The following MYO5B variants were observed in gnomAD, a reference collection of about 807,000 sequenced individuals.
The protein encoded by MYO5B is myosin VB.
In MYO5B, 143 loss-of-function variants were observed where a neutral mutation model predicts 229.3. The observed-to-expected ratio is 0.62, with a 90% CI of 0.54 to 0.72. The LOEUF (loss-of-function observed/expected upper bound fraction) is 0.72, where lower values mean the gene tolerates loss of function less well. Among genes scored for constraint, MYO5B ranks in the 30% least tolerant of loss-of-function variants. MYO5B has a pLI of 0.00. For missense variants in MYO5B, 2,321 were observed against 2,331.0 expected (o/e 1.00, Z 0.09); for synonymous variants, 918 against 885.2 (o/e 1.04, Z -0.66).
At position 49,906,413 on chromosome 18, in the gene MYO5B, G is replaced by A. The variant is rs1317346757; in HGVS notation, c.2414+6C>T. On this transcript the variant is annotated splice_donor_region_variant and intron_variant, in intron 19 of 39. Coordinates refer to ENST00000285039, the MANE Select transcript of MYO5B (RefSeq NM_001080467.3). ...TGCTGCCCTGAGCTGCCACAGTCTG[G>A]CTCACCTGCGGGCCAGGTGTCCCCG... is the stretch of plus-strand genomic sequence containing the variant. 9 of 1,613,798 alleles carry A rather than the reference G, an allele frequency of 5.6e-6. No homozygotes were observed. Among genetic ancestry groups the A allele is most frequent in the South Asian group, 1.1e-5 (1 of 91,068 alleles).
At chr18:50,143,662 G>A (rs1186929700) in intron 1 of MYO5B, among the ~76,000 whole-genome samples, 1 of 152,166 alleles carries the variant, frequency 6.6e-6, no homozygotes, top group Non-Finnish European at 1.5e-5. Flanking sequence ...AATGACTACA[G>A]GTAGAAGGAA....
At chr18:49,949,569 C>T (rs1192363903) in intron 14 of MYO5B, among the ~76,000 whole-genome samples, 4 of 152,096 alleles carry the variant, frequency 2.6e-5, no homozygotes, top group Non-Finnish European at 4.4e-5. Flanking sequence ...CTTCGAACAT[C>T]CCTTTGGTTG....
chr18:49,910,600 GGCTA>G (rs1201324754), intron 18 of MYO5B, among the ~76,000 whole-genome samples: 2 of 152,000 alleles, frequency 1.3e-5, no homozygotes, highest in Admixed American at 6.5e-5. Flanking sequence ...TGGCAAGGTG[GGCTA>G]GTATTTAGGC....
chr18:50,040,875 G>A (rs964898117), intron 2 of MYO5B, among the ~76,000 whole-genome samples: 2 of 152,184 alleles, frequency 1.3e-5, no homozygotes, highest in African/African-American at 2.4e-5. Context: ...CATAACCAGG[G>A]AGTAGGATTA....
At chr18:50,068,691 AAAG>A (rs1487808151) in intron 1 of MYO5B, among the ~76,000 whole-genome samples, 1 of 152,206 alleles carries the variant, frequency 6.6e-6, no homozygotes, top group African/African-American at 2.4e-5. Context: ...TCTTGGTGTG[AAAG>A]AAGAAGTGTG....
At chr18:50,094,357 G>A (rs1464382956) in intron 1 of MYO5B, among the ~76,000 whole-genome samples, 2 of 152,146 alleles carry the variant, frequency 1.3e-5, no homozygotes, top group African/African-American at 4.8e-5. Flanking sequence ...ACTCTGAGCA[G>A]GTGGGCTTAG....
At chr18:49,874,471 C>G (rs1257623263) in intron 26 of MYO5B, among the ~76,000 whole-genome samples, 1 of 152,318 alleles carries the variant, frequency 6.6e-6, no homozygotes. Flanking sequence ...GAAACCTAAT[C>G]TTTTCACTTT....
intron 1 of MYO5B, among the ~76,000 whole-genome samples, chr18:50,151,018 T>C (rs2032590208): frequency 6.6e-6 from 1 of 152,144 alleles, no homozygotes; most frequent in African/African-American, 2.4e-5. Context: ...AGGTTAACTC[T>C]TCAAGGCCAG....
chr18:50,066,290 C>G (rs748171469), intron 1 of MYO5B, among the ~76,000 whole-genome samples: 10 of 152,050 alleles, frequency 6.6e-5, no homozygotes, highest in Admixed American at 1.3e-4. Flanking sequence ...ATTTGTCCTA[C>G]CACTATCCCC....
At chr18:50,056,478 A>G (rs2030552687) in intron 1 of MYO5B, among the ~76,000 whole-genome samples, 1 of 152,222 alleles carries the variant, frequency 6.6e-6, no homozygotes, top group Non-Finnish European at 1.5e-5. Context: ...GGCAACTTCC[A>G]CAGGGCCTAT....
At chr18:50,138,964 C>T (rs1414206247) in intron 1 of MYO5B, among the ~76,000 whole-genome samples, 2 of 152,246 alleles carry the variant, frequency 1.3e-5, no homozygotes, top group Admixed American at 6.5e-5. Context: ...CAACATCTGC[C>T]TCTCTTCCCA....
intron 27 of MYO5B, among the ~76,000 whole-genome samples, chr18:49,869,503 A>G (rs2024434174): frequency 6.6e-6 from 1 of 152,224 alleles, no homozygotes; most frequent in African/African-American, 2.4e-5. Flanking sequence ...CTAAGTCAAC[A>G]GCAGCAGAGT....
chr18:49,858,018 G>A (rs543468), intron 29 of MYO5B, among the ~76,000 whole-genome samples: 3 of 151,972 alleles, frequency 2.0e-5, no homozygotes, highest in Admixed American at 1.3e-4. Context: ...GACCTGTAAT[G>A]CCCTCGTCCT....
At chr18:49,994,048 C>A (rs113682670) in intron 5 of MYO5B, among the ~76,000 whole-genome samples, 2,850 of 152,296 alleles carry the variant, frequency 0.019, 37 homozygotes, top group Non-Finnish European at 0.03. Context: ...GCAGTTCCCT[C>A]TTTTCCCACG....
intron 1 of MYO5B, among the ~76,000 whole-genome samples, chr18:50,089,196 GGTGAAACCCC>G (rs1281854316): frequency 6.6e-6 from 1 of 151,936 alleles, no homozygotes; most frequent in South Asian, 2.1e-4. Flanking sequence ...TGGCCAATAT[GGTGAAACCCC>G]GTCTCTACTA....
intron 31 of MYO5B, among the ~76,000 whole-genome samples, chr18:49,851,999 T>C (rs1465499643): frequency 6.6e-6 from 1 of 152,138 alleles, no homozygotes; most frequent in East Asian, 1.9e-4. Context: ...CTCCTCCTCC[T>C]CCTCCTCCTT....
At chr18:49,832,314 G>C (rs1415583175) in intron 39 of MYO5B, among the ~76,000 whole-genome samples, 1 of 152,176 alleles carries the variant, frequency 6.6e-6, no homozygotes, top group Non-Finnish European at 1.5e-5. Flanking sequence ...CACATAGTAA[G>C]TGCTGTATTT....
At chr18:49,947,416 G>A (rs2144233615) in intron 14 of MYO5B, among the ~76,000 whole-genome samples, 1 of 152,264 alleles carries the variant, frequency 6.6e-6, no homozygotes. Flanking sequence ...TAGTCACCAA[G>A]CTCTTACTTG....
intron 13 of MYO5B, among the ~76,000 whole-genome samples, chr18:49,953,667 C>T (rs1354177859): frequency 6.6e-6 from 1 of 152,182 alleles, no homozygotes; most frequent in East Asian, 1.9e-4. Flanking sequence ...GTGATTCATA[C>T]ACACACTGCA....
Sources: gnomAD v4.1 joint callset for allele counts (sites outside exome capture counted in the v4.1 genomes callset) on GRCh38, gnomAD v4.1.1 for gene constraint, MANE v1.5 for transcripts, NCBI Gene and HGNC (gene_info 2026-07-23, HGNC 2026-07-21) for gene names.